FRYL: variants seen among roughly 807,000 people sequenced by gnomAD.
FRYL encodes the protein FRY like transcription coactivator.
FRYL carries 150 observed loss-of-function variants against 351.2 expected under a neutral mutation model. That is an observed-to-expected ratio of 0.43 (90% CI 0.37 to 0.49). The LOEUF is 0.49. FRYL is among the 20% of genes least tolerant of loss of function. The pLI is 0.00. For missense variants in FRYL, 3,036 were observed against 3,619.3 expected (o/e 0.84, Z 4.13); for synonymous variants, 1,153 against 1,257.1 (o/e 0.92, Z 1.75).
chr4:48,552,757 AATAAATT>A (rs1733162922), intron 36 of FRYL, among the ~76,000 whole-genome samples: 1 of 152,188 alleles, frequency 6.6e-6, no homozygotes, highest in African/African-American at 2.4e-5. Context: ...GATGGTAAAA[AATAAATT>A]ATAAAGAGAT....
At chr4:48,563,706 TAAA>T (rs78922907) in intron 31 of FRYL, among the ~76,000 whole-genome samples, 1 of 123,210 alleles carries the variant, frequency 8.1e-6, no homozygotes, top group Non-Finnish European at 1.7e-5. Flanking sequence ...AGACCATGTC[TAAA>T]AAAAAAAAAA....
intron 3 of FRYL, among the ~76,000 whole-genome samples, chr4:48,671,710 G>A (rs369634459): frequency 4.6e-5 from 7 of 150,810 alleles, no homozygotes; most frequent in East Asian, 1.9e-4. Flanking sequence ...AAAATTAGCC[G>A]GGCCTGGTGG....
Position 48,609,112 on chromosome 4 carries a change from T to A in FRYL, c.492-45A>T, listed in dbSNP as rs781054425. Reference sequence around the variant, plus strand: ...AACATAACATTTCATTAAATTTTTCTACAAACTCTCTTTCCTAATACATAT... The same window carrying A: ...AACATAACATTTCATTAAATTTTTCAACAAACTCTCTTTCCTAATACATAT... On this transcript the variant is annotated intron_variant, in intron 8 of 63. Coordinates refer to ENST00000358350, the MANE Select transcript of FRYL (RefSeq NM_015030.2). The A allele has an allele frequency of 4.8e-6, 6 of 1,247,486 alleles. No homozygotes were observed. The East Asian group carries it at 1.4e-4, about 29-fold the overall frequency. The allele number at this position is 1,247,486 out of a possible 1,614,324, so 77.3% of individuals were successfully genotyped here. A position where few individuals can be genotyped will look rare whatever the true frequency, so the allele number is the denominator to read the frequency against.
In FRYL at chr4:48,564,916, G is replaced by T; in HGVS notation, c.3441+17C>A. On this transcript the variant is annotated intron_variant, in intron 30 of 63. Transcript: ENST00000358350. ...TGACAACTTATTATGAACCTTTAAGGAAATTGTCATAATTACCTTTTTGTC... is the reference window on the plus strand; with the variant it reads ...TGACAACTTATTATGAACCTTTAAGTAAATTGTCATAATTACCTTTTTGTC... 1 of 1,334,206 alleles carries T rather than the reference G, an allele frequency of 7.5e-7. No homozygotes were observed. Among genetic ancestry groups the T allele is most frequent in the Non-Finnish European group, 1.1e-6 (1 of 931,352 alleles). The allele number at this position is 1,334,206 out of a possible 1,614,324, so 82.6% of individuals were successfully genotyped here.
chr4:48,766,042 T>C (rs888633345), intron 1 of FRYL, among the ~76,000 whole-genome samples: 3 of 152,180 alleles, frequency 2.0e-5, no homozygotes, highest in African/African-American at 7.2e-5. Flanking sequence ...GAATGTAAAT[T>C]GGTACAGTCA....
intron 3 of FRYL, among the ~76,000 whole-genome samples, chr4:48,656,308 T>TTACATAATATATACTAA (rs1758966005): frequency 5.5e-4 from 4 of 7,316 alleles, no homozygotes; most frequent in South Asian, 6.6e-3. Flanking sequence ...TATATTATAT[T>TTACATAATATATACTAA]ATATATTACA....
At chr4:48,654,263 A>G (rs1450522448) in intron 3 of FRYL, among the ~76,000 whole-genome samples, 1 of 151,478 alleles carries the variant, frequency 6.6e-6, no homozygotes, top group Non-Finnish European at 1.5e-5. Flanking sequence ...AGGATTTAGT[A>G]TAAAATCTTT....
At chr4:48,719,580 T>C (rs1769233557) in intron 1 of FRYL, among the ~76,000 whole-genome samples, 1 of 151,672 alleles carries the variant, frequency 6.6e-6, no homozygotes, top group Admixed American at 6.6e-5. Context: ...CCAATAAATA[T>C]ATTATAAATT....
chr4:48,575,950 C>T (rs1739510136), intron 24 of FRYL, 80 bp downstream of exon 24: 2 of 1,166,744 alleles, frequency 1.7e-6, no homozygotes, highest in South Asian at 1.9e-5. Context: ...CTTTATTGTC[C>T]ATAAAAAGAA....
intron 3 of FRYL, among the ~76,000 whole-genome samples, chr4:48,638,760 T>C (rs1470219565): frequency 6.6e-6 from 1 of 152,170 alleles, no homozygotes; most frequent in Admixed American, 6.5e-5. Context: ...ACATACACCA[T>C]GGAATACTAT....
chr4:48,623,267 T>C, intron 4 of FRYL, 88 bp from the exon 5 acceptor site: 1 of 795,688 alleles, frequency 1.3e-6, no homozygotes. Flanking sequence ...ACAGTTTAGA[T>C]TTGTGCGTTT....
intron 27 of FRYL, 85 bp downstream of exon 27, chr4:48,570,742 C>T: frequency 1.0e-6 from 1 of 971,158 alleles, no homozygotes; most frequent in Non-Finnish European, 1.6e-6. Context: ...TGGTGCTTTT[C>T]TGTTTTTATA....
At position 48,505,581 on chromosome 4, in the gene FRYL, T is replaced by G; in HGVS notation, c.8429A>C (p.Lys2810Thr). 6.2e-7 allele frequency: 1 copy of G among 1,610,094 alleles called. No homozygotes were observed. The highest frequency in any genetic ancestry group is 8.5e-7 in the Non-Finnish European group (1 of 1,177,612). ...TGTGTTTATCCTATACATGTCTTCT[T>G]TGGCACCAAATGTCCTCTTACAATC... ...LDDCKRTFGAKEDMYRINTDA... is the reference protein window; with the variant it reads ...LDDCKRTFGATEDMYRINTDA... Residue 2810 changes from lysine (K) to threonine (T), a missense_variant, in exon 60 of 64, where the codon AAA becomes ACA. Coordinates refer to ENST00000358350, the MANE Select transcript of FRYL (RefSeq NM_015030.2).
chr4:48,747,050 T>A (rs1772758589), intron 1 of FRYL, among the ~76,000 whole-genome samples: 1 of 152,120 alleles, frequency 6.6e-6, no homozygotes, highest in African/African-American at 2.4e-5. Context: ...ACAGGCCAAT[T>A]CCTGGAAAAA....
rs376661403 is a variant in FRYL at position 48,551,532 on chromosome 4, A to G, written c.4482T>C (p.Asn1494=). The change falls in exon 37 of 64, where the codon AAT becomes AAC. Residue 1494 remains asparagine (N), a synonymous_variant. Transcript: ENST00000358350. The stretch of plus-strand genomic sequence containing the variant: ...TCTCTTTAATGGGCTTATTATCAGG[A>G]TTGCCATCTGTGGGAGCTACCATTG... ...SNTMVAPTDG[N]PDNKPIKENI... 6 of 1,611,986 alleles carry G rather than the reference A, an allele frequency of 3.7e-6. No individual in the cohort carries two copies. The highest frequency in any genetic ancestry group is 4.2e-6 in the Non-Finnish European group (5 of 1,178,332).
chr4:48,605,842 G>A lies in FRYL; in HGVS notation c.742-9C>T. The A allele has an allele frequency of 2.0e-6, 3 of 1,470,768 alleles. No homozygotes were observed. Among genetic ancestry groups the A allele is most frequent in the Non-Finnish European group, 2.8e-6 (3 of 1,055,630 alleles). 91.1% of individuals were successfully genotyped at this position (1,470,768 alleles called of 1,614,324 possible). The stretch of plus-strand genomic sequence containing the variant: ...AAATACTGAGCACATTCCTTAAAGG[G>A]AAAGAGGTATATACTTAGATTAACA... On this transcript the variant is annotated splice_polypyrimidine_tract_variant and intron_variant, in intron 10 of 63. Coordinates refer to ENST00000358350, the MANE Select transcript of FRYL (RefSeq NM_015030.2).
chr4:48,743,365 G>GC (rs1282517117), intron 1 of FRYL, among the ~76,000 whole-genome samples: 3 of 151,996 alleles, frequency 2.0e-5, no homozygotes, highest in Non-Finnish European at 4.4e-5. Flanking sequence ...GACTTAGCTT[G>GC]TTTTTTCAAG....
At chr4:48,673,041 AGTGAGCTGTGCTGAATACCTAGGGAGAG>A (rs1762977108) in intron 3 of FRYL, among the ~76,000 whole-genome samples, 2 of 152,244 alleles carry the variant, frequency 1.3e-5, no homozygotes, top group African/African-American at 4.8e-5. Context: ...TGTCCCTGCT[AGTGAGCTGTGCTGAATACCTAGGGAGAG>A]GTATACCAGT....
Position 48,547,591 on chromosome 4 carries a change from A to C in FRYL, c.5067T>G (p.Asn1689Lys). 5 of 1,537,822 alleles carry C rather than the reference A, an allele frequency of 3.3e-6. No homozygotes were observed. Among genetic ancestry groups the C allele is most frequent in the Non-Finnish European group, 4.4e-6 (5 of 1,130,286 alleles). The change falls in exon 41 of 64, where the codon AAT becomes AAG. Residue 1689 changes from asparagine to lysine, a missense_variant. Around this residue, in one of 7 missense-constraint regions of FRYL, gnomAD observed 1,987 missense variants for 2,311.7 expected, o/e 0.86. Transcript: ENST00000358350. ...TACATTTAAAGCAAATACCTGTGAA[A>C]TTATAATCTAAGTGTGCAACTTGTT... is the stretch of plus-strand genomic sequence containing the variant. ...TVKQVAHLDY[N>K]FTAGINDFIP... is the part of the protein sequence containing the mutation.
Sources: allele counts gnomAD v4.1 joint callset (sites outside exome capture counted in the v4.1 genomes callset), GRCh38; gene constraint gnomAD v4.1.1; regional missense constraint gnomAD v4.1.1; transcripts MANE v1.5; gene names NCBI Gene and HGNC (gene_info 2026-07-23, HGNC 2026-07-21).